The following REV1 variants were observed in gnomAD, a reference collection of about 807,000 sequenced individuals.
The protein encoded by REV1 is translesion synthesis protein REV1.
Under a neutral mutation model 137.4 loss-of-function variants are expected in REV1, and 42 were observed. The ratio of observed to expected loss-of-function variants is 0.31; its 90% CI spans 0.24 to 0.40. The LOEUF is 0.40. Ranked by LOEUF, REV1 falls within the 10% of genes least tolerant of loss-of-function variation. The pLI is 1.00. For missense variants in REV1, 1,282 were observed against 1,490.1 expected, an observed-to-expected ratio of 0.86 and a Z score of 2.30; for synonymous variants, 524 against 519.2, an observed-to-expected ratio of 1.01 and a Z score of -0.12.
At position 99,438,735 on chromosome 2, in the gene REV1, T is replaced by A; in HGVS notation, c.1079A>T (p.His360Leu). Residue 360 changes from histidine to leucine, a missense_variant, in exon 6 of 23, where the codon CAC (histidine) becomes CTC (leucine). His to Leu is a moderately conservative substitution (Grantham distance 99, BLOSUM62 -3). Around this residue, in one of 7 missense-constraint regions of REV1, gnomAD observed 432 missense variants for 438.0 expected, o/e 0.99. Coordinates refer to ENST00000258428, the MANE Select transcript of REV1 (RefSeq NM_016316.4). The stretch of plus-strand genomic sequence containing the variant: ...CAATTCACACTTCCACATTGATATG[T>A]GATGCAGTCTTGAATGAGAATAGAA... ...SNFYSHSRLH[H>L]ISMWKCELTE... 6.2e-7 allele frequency: 1 copy of A among 1,614,120 alleles called. No homozygotes were observed. Among genetic ancestry groups the A allele is most frequent in the Non-Finnish European group, 8.5e-7 (1 of 1,179,934 alleles).
chr2:99,416,931 A>G (rs1190973018), intron 12 of REV1, among the ~76,000 whole-genome samples: 1 of 151,116 alleles, frequency 6.6e-6, no homozygotes, highest in Non-Finnish European at 1.5e-5. Flanking sequence ...AAAAAAAAAA[A>G]AAGAAATAAA....
chr2:99,466,754 G>A (rs908010329), intron 1 of REV1, among the ~76,000 whole-genome samples: 1 of 152,140 alleles, frequency 6.6e-6, no homozygotes, highest in African/African-American at 2.4e-5. Context: ...GAGAAAAGGT[G>A]GTAAACTGAT....
chr2:99,412,254 T>C (rs1490727513), intron 13 of REV1, among the ~76,000 whole-genome samples: 1 of 58,176 alleles, frequency 1.7e-5, no homozygotes, highest in Non-Finnish European at 2.8e-5. Context: ...TGAGACTCCA[T>C]CTCAAAAAAA....
intron 8 of REV1, among the ~76,000 whole-genome samples, chr2:99,434,080 AT>A (rs1394629031): frequency 6.6e-6 from 1 of 152,198 alleles, no homozygotes; most frequent in East Asian, 1.9e-4. Context: ...AATTCTGCCC[AT>A]GATTTTTATC....
Position 99,403,048 on chromosome 2 carries a change from C to G in REV1, c.3225G>C (p.Lys1075Asn). 1 of 1,613,772 alleles carries G rather than the reference C, an allele frequency of 6.2e-7. No homozygotes were observed. Among genetic ancestry groups the G allele is most frequent in the Non-Finnish European group, 8.5e-7 (1 of 1,179,918 alleles). Residue 1075 changes from lysine to asparagine, a missense_variant, in exon 20 of 23, where the codon AAG becomes AAC. By Grantham distance (94) the Lys-to-Asn change is moderately conservative (BLOSUM62 0). Coordinates refer to ENST00000258428, the MANE Select transcript of REV1 (RefSeq NM_016316.4). ...TTGGTGAACCAATGGTTTTTTTCTT[C>G]TTGTTTCTTTTCTTTTCTTTCACTG... ...KAAVKEKKRN[K>N]KKKTIGSPKR...
chr2:99,409,862 C>A (rs1012660246), intron 14 of REV1, among the ~76,000 whole-genome samples: 2 of 135,544 alleles, frequency 1.5e-5, no homozygotes, highest in Non-Finnish European at 3.3e-5. Context: ...AACCCCCCCC[C>A]CCCCCAAAAA....
chr2:99,458,686 G>T (rs1309340880), intron 3 of REV1, among the ~76,000 whole-genome samples: 2 of 152,182 alleles, frequency 1.3e-5, no homozygotes, highest in Non-Finnish European at 1.5e-5. Flanking sequence ...TCCACACTAT[G>T]AAATATAACT....
intron 8 of REV1, among the ~76,000 whole-genome samples, chr2:99,433,887 AACAGGTTC>A (rs929193889): frequency 6.6e-6 from 1 of 152,210 alleles, no homozygotes; most frequent in African/African-American, 2.4e-5. Flanking sequence ...TATTTCTCAT[AACAGGTTC>A]ACTAAAGCAT....
chr2:99,486,709 C>G (rs564193112), intron 1 of REV1, among the ~76,000 whole-genome samples: 1 of 152,280 alleles, frequency 6.6e-6, no homozygotes, highest in Admixed American at 6.5e-5. Context: ...CCAGAGAATT[C>G]TGACCCTAGC....
chr2:99,435,007 T>C (rs1210617203), intron 7 of REV1, among the ~76,000 whole-genome samples: 1 of 152,200 alleles, frequency 6.6e-6, no homozygotes, highest in Non-Finnish European at 1.5e-5. Context: ...AAGATTACTA[T>C]AAATTTGTAA....
chr2:99,415,890 G>A lies in REV1; in HGVS notation c.1951+2938C>T, dbSNP rs141078612. ...AAGATCCAGAGAAAAAGTAGAAATGGTTCTTCAAACTGTAATAGTCGTTGG... is the reference window on the plus strand; with the variant it reads ...AAGATCCAGAGAAAAAGTAGAAATGATTCTTCAAACTGTAATAGTCGTTGG... On this transcript the variant is annotated intron_variant, in intron 12 of 22. Coordinates refer to ENST00000258428, the MANE Select transcript of REV1 (RefSeq NM_016316.4). Among the ~76,000 whole-genome samples, 376 of 152,366 alleles carry A rather than the reference G, an allele frequency of 2.5e-3. 4 individuals are homozygous for A. The highest frequency in any genetic ancestry group is 8.6e-3 in the African/African-American group (359 of 41,588).
At position 99,438,873 on chromosome 2, in the gene REV1, T is replaced by C. The variant is rs1559349464; in HGVS notation, c.941A>G (p.His314Arg). The C allele has an allele frequency of 1.2e-6, 2 of 1,614,000 alleles. No homozygotes were observed. Among genetic ancestry groups the C allele is most frequent in the East Asian group, 4.5e-5 (2 of 44,888 alleles). The change falls in exon 6 of 23, where the codon CAC becomes CGC. Residue 314 changes from histidine (H) to arginine (R), a missense_variant. His to Arg is a conservative substitution (Grantham distance 29, BLOSUM62 0). Around this residue, in one of 7 missense-constraint regions of REV1, gnomAD observed 432 missense variants for 438.0 expected, o/e 0.99. Transcript: ENST00000258428. Reference sequence around the variant, plus strand: ...GCTTGAAGGCCCCTGAACAGTGGAGTGGTGAGCACCATTGATTTTAGTGTT... The same window carrying C: ...GCTTGAAGGCCCCTGAACAGTGGAGCGGTGAGCACCATTGATTTTAGTGTT... ...HSNTKINGAH[H>R]STVQGPSSTK...
At chr2:99,434,591 C>A (rs975774648) in intron 7 of REV1, 143 bp from the exon 8 acceptor site, 5 of 463,554 alleles carry the variant, frequency 1.1e-5, no homozygotes, top group African/African-American at 4.0e-5. Context: ...GAAGCTAATA[C>A]TTTAAAGATT....
rs774770479 is a variant in REV1 at position 99,406,485 on chromosome 2, C to T, written c.2454G>A (p.Gly818=). 5.6e-6 allele frequency: 9 copies of T among 1,600,162 alleles called. No homozygotes were observed. The highest frequency in any genetic ancestry group is 1.7e-4 in the Middle Eastern group (1 of 5,998). Residue 818 remains glycine, a synonymous_variant, in exon 16 of 23, where the codon GGG becomes GGA. Transcript: ENST00000258428. ...TTGGAACCAACTGATTCACGTGAAT[C>T]CCAACCTAGAACCCAGAATAAAGAG... ...KLNISDMRGV[G]IHVNQLVPTN...
chr2:99,469,141 T>A (rs1472915548), intron 1 of REV1, among the ~76,000 whole-genome samples: 2 of 152,146 alleles, frequency 1.3e-5, no homozygotes, highest in Non-Finnish European at 2.9e-5. Context: ...AAGAAAAAAG[T>A]TGGGGGTAAA....
At position 99,462,172 on chromosome 2, in the gene REV1, G is replaced by C. The variant is rs1684291657; in HGVS notation, c.181+324C>G. On this transcript the variant is annotated intron_variant, in intron 3 of 22. Coordinates refer to ENST00000258428, the MANE Select transcript of REV1 (RefSeq NM_016316.4). Reference sequence around the variant, plus strand: ...CCACCCTAAAGGACCTATGGACAATGACATCTAGAGATTTACCAATGAAAT... The same window carrying C: ...CCACCCTAAAGGACCTATGGACAATCACATCTAGAGATTTACCAATGAAAT... Among the ~76,000 whole-genome samples, 7 of 152,108 alleles carry C rather than the reference G, an allele frequency of 4.6e-5. No individual in the cohort carries two copies. The South Asian group carries it at 1.5e-3, about 32-fold the overall frequency.
intron 19 of REV1, 41 bp from the exon 20 acceptor site, chr2:99,403,147 T>C (rs1383629606): frequency 3.5e-6 from 5 of 1,448,994 alleles, no homozygotes; most frequent in Non-Finnish European, 4.6e-6. Context: ...AAAATGATAG[T>C]ATGGATAGTC....
intron 11 of REV1, among the ~76,000 whole-genome samples, chr2:99,419,546 T>C (rs1214496070): frequency 3.9e-5 from 6 of 152,096 alleles, no homozygotes; most frequent in Non-Finnish European, 5.9e-5. Context: ...TCTGTAGGAA[T>C]TGAAGGCCAT....
At position 99,471,999 on chromosome 2, in the gene REV1, T is replaced by C. The variant is rs1426185154; in HGVS notation, c.-10-7014A>G. 3.3e-5 allele frequency among the ~76,000 whole-genome samples: 5 copies of C among 151,764 alleles called. No homozygotes were observed. The East Asian group carries it at 5.8e-4, about 18-fold the overall frequency. ...GGTGCAGCTGATATGAGAAACAGTA[T>C]GGCAGTTACTCAAAAAATCTGAAAT... On this transcript the variant is annotated intron_variant, in intron 1 of 22. Transcript: ENST00000258428.
Sources: allele counts gnomAD v4.1 joint callset (sites outside exome capture counted in the v4.1 genomes callset), GRCh38; gene constraint gnomAD v4.1.1; regional missense constraint gnomAD v4.1.1; transcripts MANE v1.5; gene names NCBI Gene and HGNC (gene_info 2026-07-23, HGNC 2026-07-21).